The following C1QTNF7 variants were observed in gnomAD, a reference collection of about 807,000 sequenced individuals.
C1QTNF7 encodes C1q and TNF related 7.
Under a neutral mutation model 19.6 loss-of-function variants are expected in C1QTNF7, and 15 were observed. That is an observed-to-expected ratio of 0.76 (90% CI 0.51 to 1.18). C1QTNF7 has a LOEUF of 1.18. C1QTNF7 is among the 50% of genes most tolerant of loss of function. C1QTNF7 has a pLI of 0.00. For missense variants in C1QTNF7, 324 were observed against 359.7 expected (o/e 0.90, Z 0.80); for synonymous variants, 142 against 137.5 (o/e 1.03, Z -0.23).
chr4:15,381,926 A>T (rs951630121), intron 1 of C1QTNF7: 2 of 152,206 alleles, frequency 1.3e-5, no homozygotes, highest in African/African-American at 4.8e-5. Flanking sequence ...GCTTCATCAC[A>T]TTATCTTAGC....
At chr4:15,438,373 T>C (rs929847678) in intron 2 of C1QTNF7, among the ~76,000 whole-genome samples, 1 of 152,190 alleles carries the variant, frequency 6.6e-6, no homozygotes, top group Non-Finnish European at 1.5e-5. Flanking sequence ...AATATGGCTG[T>C]AACTGGGCAC....
rs145600149 is a variant in C1QTNF7, at chr4:15,346,944, G to A, written c.13+6737G>A. On this transcript the variant is annotated intron_variant, in intron 1 of 2. Coordinates refer to the C1QTNF7 transcript ENST00000295297. ...CATCCTTCTTCCTTATGCAACAGGG[G>A]TCTAAGGAATCTGAGTCCATTCTCT... Among the ~76,000 whole-genome samples, 1,412 of 152,224 alleles carry A rather than the reference G, an allele frequency of 9.3e-3. 101 individuals are homozygous for A. The highest frequency in any genetic ancestry group is 0.085 in the Admixed American group (1,297 of 15,308).
intron 1 of C1QTNF7, among the ~76,000 whole-genome samples, chr4:15,355,602 T>C (rs921743177): frequency 2.7e-5 from 4 of 150,678 alleles, no homozygotes; most frequent in Non-Finnish European, 5.9e-5. Flanking sequence ...AAAAAAAATG[T>C]GGATTACAAA....
At chr4:15,399,182 T>A (rs953123686) in intron 1 of C1QTNF7, among the ~76,000 whole-genome samples, 4 of 152,184 alleles carry the variant, frequency 2.6e-5, no homozygotes, top group African/African-American at 9.7e-5. Context: ...GATCACCAGT[T>A]TCAGGTGTTT....
intron 1 of C1QTNF7, among the ~76,000 whole-genome samples, chr4:15,422,836 TG>T (rs1457518884): frequency 6.6e-6 from 1 of 152,192 alleles, no homozygotes; most frequent in East Asian, 1.9e-4. Flanking sequence ...TTGCCCAGGC[TG>T]GTCTCAAGCG....
At chr4:15,378,399 T>G (rs1718021140) in intron 1 of C1QTNF7, among the ~76,000 whole-genome samples, 1 of 152,240 alleles carries the variant, frequency 6.6e-6, no homozygotes, top group African/African-American at 2.4e-5. Flanking sequence ...CTTAGTATCA[T>G]ATGCCATAAG....
At chr4:15,360,324 A>T (rs1053070648) in intron 1 of C1QTNF7, among the ~76,000 whole-genome samples, 1 of 152,156 alleles carries the variant, frequency 6.6e-6, no homozygotes, top group African/African-American at 2.4e-5. Context: ...GCTCCTAGGG[A>T]AATAAAGAGT....
intron 1 of C1QTNF7, among the ~76,000 whole-genome samples, chr4:15,402,589 G>A (rs1405787568): frequency 2.0e-5 from 3 of 152,072 alleles, no homozygotes; most frequent in Admixed American, 6.6e-5. Context: ...GGCTAGGGGT[G>A]GAAGGGAAAA....
At chr4:15,424,243 G>A (rs887604061), upstream of C1QTNF7, among the ~76,000 whole-genome samples, 2 of 152,124 alleles carry the variant, frequency 1.3e-5, no homozygotes, top group Non-Finnish European at 1.5e-5. Flanking sequence ...CTCCATGGCT[G>A]TAGTTCAGGA....
At chr4:15,386,282 A>C (rs1266248166) in intron 1 of C1QTNF7, among the ~76,000 whole-genome samples, 1 of 152,178 alleles carries the variant, frequency 6.6e-6, no homozygotes, top group Non-Finnish European at 1.5e-5. Context: ...CTAGTACAGA[A>C]ACTAGCTCAT....
At chr4:15,348,062 G>T (rs1716778295) in intron 1 of C1QTNF7, among the ~76,000 whole-genome samples, 1 of 152,146 alleles carries the variant, frequency 6.6e-6, no homozygotes, top group Non-Finnish European at 1.5e-5. Flanking sequence ...AGATATATTT[G>T]CAAGCTAGAA....
chr4:15,384,838 AG>A (rs757692407), intron 1 of C1QTNF7, among the ~76,000 whole-genome samples: 27 of 152,160 alleles, frequency 1.8e-4, no homozygotes, highest in Non-Finnish European at 3.7e-4. Flanking sequence ...GACCAGAGCA[AG>A]TAGTGGCCTC....
At chr4:15,400,851 AT>A (rs1718962701) in intron 1 of C1QTNF7, among the ~76,000 whole-genome samples, 1 of 152,190 alleles carries the variant, frequency 6.6e-6, no homozygotes, top group South Asian at 2.1e-4. Flanking sequence ...GTCTTTGTTC[AT>A]TGTGGGCCCT....
Position 15,435,757 on chromosome 4 carries a change from T to C in C1QTNF7, c.14T>C (p.Leu5Pro), listed in dbSNP as rs1228201244. Residue 5 changes from leucine to proline, a missense_variant, in exon 2 of 3, where the codon CTC (leucine) becomes CCC (proline). Transcript: ENST00000444304. The part of the protein sequence containing the change: MFVL[L>P]YVTSFAICAS... ...CCAGAGCCAAAGATGTTTGTCTTGC[T>C]CTATGTTACAAGTTTTGCCATTTGT... 6.2e-7 allele frequency: 1 copy of C among 1,614,180 alleles called. No homozygotes were observed. The highest frequency in any genetic ancestry group is 2.2e-5 in the East Asian group (1 of 44,864).
intron 1 of C1QTNF7, among the ~76,000 whole-genome samples, chr4:15,421,749 C>G (rs1182715353): frequency 1.3e-5 from 2 of 152,030 alleles, no homozygotes; most frequent in African/African-American, 4.8e-5. Flanking sequence ...ATAATAATAC[C>G]TACTTCGCTA....
intron 1 of C1QTNF7, among the ~76,000 whole-genome samples, chr4:15,432,683 T>C (rs529631396): frequency 1.3e-5 from 2 of 152,324 alleles, no homozygotes; most frequent in South Asian, 4.1e-4. Context: ...GCGTGAGCCA[T>C]CGTGCCCAGC....
intron 1 of C1QTNF7, among the ~76,000 whole-genome samples, chr4:15,350,683 G>A (rs1200784040): frequency 6.6e-6 from 1 of 152,056 alleles, no homozygotes; most frequent in Non-Finnish European, 1.5e-5. Context: ...TATTGGACTG[G>A]GGACACCACA....
At chr4:15,402,789 T>TTATA (rs1719045715) in intron 1 of C1QTNF7, among the ~76,000 whole-genome samples, 1 of 152,208 alleles carries the variant, frequency 6.6e-6, no homozygotes, top group Non-Finnish European at 1.5e-5. Flanking sequence ...ATTTTTATTC[T>TTATA]GATACATTCA....
rs1370543683 is a variant in C1QTNF7, at chr4:15,445,687, C to A, written c.*2888C>A. On this transcript the variant is annotated 3_prime_UTR_variant, in exon 3 of 3. Coordinates refer to ENST00000444304, the MANE Select transcript of C1QTNF7 (RefSeq NM_031911.5). ...TTAAAAAATAGCAGATACAGTTTAT[C>A]CACATTTGTAAATATTTGTATAAAG... The A allele has an allele frequency of 1.3e-5, 2 of 152,100 alleles. No homozygotes were observed. Among genetic ancestry groups the A allele is most frequent in the African/African-American group, 4.8e-5 (2 of 41,412 alleles). 9.4% of individuals were successfully genotyped at this position (152,100 alleles called of 1,614,324 possible).
Sources: allele counts gnomAD v4.1 joint callset (sites outside exome capture counted in the v4.1 genomes callset), GRCh38; gene constraint gnomAD v4.1.1; transcripts MANE v1.5; gene names NCBI Gene and HGNC (gene_info 2026-07-23, HGNC 2026-07-21).